The following APOA4 variants were observed in gnomAD, a reference collection of about 807,000 sequenced individuals.
APOA4 encodes apolipoprotein A-IV.
In APOA4, 25 loss-of-function variants were observed where a neutral mutation model predicts 33.6. The observed-to-expected ratio is 0.74, with a 90% confidence interval of 0.54 to 1.04. APOA4 has a LOEUF of 1.04. Ranked by LOEUF, APOA4 falls within the 50% of genes least tolerant of loss-of-function variation. The pLI is 0.00. For missense variants in APOA4, 549 were observed against 510.4 expected, an observed-to-expected ratio of 1.08 and a Z score of -0.73; for synonymous variants, 228 against 224.0, an observed-to-expected ratio of 1.02 and a Z score of -0.16.
At position 116,821,455 on chromosome 11, in the gene APOA4, A is replaced by T. The variant is rs1301876768; in HGVS notation, c.603T>A (p.Leu201=). The T allele has an allele frequency of 1.2e-6, 2 of 1,613,904 alleles. No individual in the cohort carries two copies. The highest frequency in any genetic ancestry group is 1.7e-6 in the Non-Finnish European group (2 of 1,179,982). ...CTTTGAATTCGTCAGCGTAGGGCGTAAGGCGTCCCTTGAGCTCCTCCACGT... is the reference window on the plus strand; with the variant it reads ...CTTTGAATTCGTCAGCGTAGGGCGTTAGGCGTCCCTTGAGCTCCTCCACGT... ...DQNVEELKGR[L]TPYADEFKVK... is the part of the protein sequence containing the mutation. Residue 201 remains leucine, a synonymous_variant, in exon 3 of 3, where the codon CTT becomes CTA. Coordinates refer to ENST00000357780, the MANE Select transcript of APOA4 (RefSeq NM_000482.4).
Position 116,820,858 on chromosome 11 carries a change from A to AGG in APOA4, c.*7_*8dup. 6.2e-7 allele frequency: 1 copy of AGG among 1,613,376 alleles called. No homozygotes were observed. The highest frequency in any genetic ancestry group is 8.5e-7 in the Non-Finnish European group (1 of 1,179,720). ...TCCACGAGGGTGGGGCCAGTGCACC[A>AGG]GGGGCAGCTCAGCTCTCCAAAGGGG... On this transcript the variant is annotated 3_prime_UTR_variant, in exon 3 of 3. Transcript: ENST00000357780.
chr11:116,821,947 T>G, intron 2 of APOA4, 66 bp from the exon 3 acceptor site: 9 of 1,597,442 alleles, frequency 5.6e-6, no homozygotes, highest in Non-Finnish European at 6.8e-6. Flanking sequence ...TTTGTCTGCT[T>G]GTATACCACT....
Position 116,820,832 on chromosome 11 carries a change from G to A in APOA4, c.*35C>T. The A allele has an allele frequency of 6.2e-7, 1 of 1,607,940 alleles. No individual in the cohort carries two copies. Among genetic ancestry groups the A allele is most frequent in the Non-Finnish European group, 8.5e-7 (1 of 1,176,942 alleles). ...AGACAGGTGGCAGGGCAGGGCAGGT[G>A]TCCACGAGGGTGGGGCCAGTGCACC... On this transcript the variant is annotated 3_prime_UTR_variant, in exon 3 of 3. Transcript: ENST00000357780.
intron 2 of APOA4, among the ~76,000 whole-genome samples, chr11:116,822,204 C>T (rs1941335617): frequency 6.6e-6 from 1 of 152,106 alleles, no homozygotes. Flanking sequence ...TGTTCTGGGC[C>T]ATAGGATCAC....
rs745655298 is a variant in APOA4 at position 116,820,896 on chromosome 11, CCTGCTCCTGCTG to C, written c.1150_1161del (p.Gln384_Gln387del). On this transcript the variant is annotated inframe_deletion, in exon 3 of 3. Coordinates refer to ENST00000357780, the MANE Select transcript of APOA4 (RefSeq NM_000482.4). ...CTCTCCAAAGGGGCCAGCATCTGCA[CCTGCTCCTGCTG>C]CTGCTCCTGCTGCTGTTCCTGCTGT... The C allele has an allele frequency of 1.9e-4, 306 of 1,613,294 alleles. 2 individuals carry two copies. The African/African-American group carries it at 2.3e-3, about 12-fold the overall frequency.
chr11:116,823,176 C>T lies in APOA4; in HGVS notation c.16G>A (p.Val6Met), dbSNP rs148312574. 4.8e-4 allele frequency: 768 copies of T among 1,614,114 alleles called. No homozygotes were observed. The highest frequency in any genetic ancestry group is 6.1e-4 in the Non-Finnish European group (723 of 1,180,022). The change falls in exon 1 of 3, where the codon GTG becomes ATG. Residue 6 changes from valine (V) to methionine (M), a missense_variant. By Grantham distance (21) the Val-to-Met change is conservative. Transcript: ENST00000357780. ...GCCACCAGGGCCAGGGTCAGGACCA[C>T]GGCCTTCAGGAACATCCTGAGCTGC... is the stretch of plus-strand genomic sequence containing the variant. MFLKAVVLTLALVAVA... is the reference protein window; with the variant it reads MFLKAMVLTLALVAVA...
chr11:116,823,061 C>G, intron 1 of APOA4, 82 bp downstream of exon 1: 1 of 1,558,698 alleles, frequency 6.4e-7, no homozygotes, highest in Admixed American at 1.7e-5. Flanking sequence ...TCAGAAGTGT[C>G]CTTTTGCTTT....
rs1341504834 is a variant in APOA4 at position 116,822,872 on chromosome 11, TG to T, written c.50-88del. The T allele has an allele frequency of 3.1e-6, 5 of 1,596,594 alleles. No individual in the cohort carries two copies. In the East Asian group the frequency reaches 6.7e-5, roughly 21 times the overall value. On this transcript the variant is annotated intron_variant, in intron 1 of 2. Transcript: ENST00000357780. The stretch of plus-strand genomic sequence containing the variant: ...CTCTGAGCTGCAGACTGGATGATGG[TG>T]GGGGTGCCTCAACCTGCCATTTTCC...
intron 2 of APOA4, 105 bp downstream of exon 2, chr11:116,822,554 G>C: frequency 6.4e-7 from 1 of 1,556,358 alleles, no homozygotes; most frequent in Non-Finnish European, 8.8e-7. Context: ...CAGGGCAGTG[G>C]GTATCCTAAG....
chr11:116,823,193 C>G lies in APOA4; in HGVS notation c.-2G>C. 5 of 1,614,138 alleles carry G rather than the reference C, an allele frequency of 3.1e-6. No individual in the cohort carries two copies. The highest frequency in any genetic ancestry group is 4.2e-6 in the Non-Finnish European group (5 of 1,180,036). Reference sequence around the variant, plus strand: ...CAGGACCACGGCCTTCAGGAACATCCTGAGCTGCTTGCTGGGCTGGAGGAG... The same window carrying G: ...CAGGACCACGGCCTTCAGGAACATCGTGAGCTGCTTGCTGGGCTGGAGGAG... On this transcript the variant is annotated 5_prime_UTR_variant, in exon 1 of 3. Coordinates refer to ENST00000357780, the MANE Select transcript of APOA4 (RefSeq NM_000482.4).
In APOA4 at chr11:116,821,411, A is replaced by G. The variant is rs1187386565; in HGVS notation, c.647T>C (p.Val216Ala). ...DEFKVKIDQT[V>A]EELRRSLAPY... Reference sequence around the variant, plus strand: ...AGCCAGGCTGCGGCGCAGCTCCTCCACGGTCTGGTCAATCTTGACTTTGAA... The same window carrying G: ...AGCCAGGCTGCGGCGCAGCTCCTCCGCGGTCTGGTCAATCTTGACTTTGAA... The change falls in exon 3 of 3, where the codon GTG (valine) becomes GCG (alanine). Residue 216 changes from valine (V) to alanine (A), a missense_variant. Physicochemically the swap from Val to Ala is moderately conservative, Grantham distance 64. Coordinates refer to ENST00000357780, the MANE Select transcript of APOA4 (RefSeq NM_000482.4). The G allele has an allele frequency of 6.2e-7, 1 of 1,614,128 alleles. No individual in the cohort carries two copies. Among genetic ancestry groups the G allele is most frequent in the Non-Finnish European group, 8.5e-7 (1 of 1,180,018 alleles).
rs748464903 is a variant in APOA4 at position 116,821,495 on chromosome 11, G to A, written c.563C>T (p.Ala188Val). Residue 188 changes from alanine (A) to valine (V), a missense_variant, in exon 3 of 3, where the codon GCC becomes GTC. Ala to Val is a moderately conservative substitution (Grantham distance 64). Transcript: ENST00000357780. ...CTCCTCCACGTTCTGGTCGATCTTG[G>A]CCTTGAGCTCGTCGGCGTGGGGCCT... ...SLRPHADELK[A>V]KIDQNVEELK... The A allele has an allele frequency of 1.9e-6, 3 of 1,614,006 alleles. No homozygotes were observed. The highest frequency in any genetic ancestry group is 3.3e-5 in the Admixed American group (2 of 60,030).
In APOA4 at chr11:116,821,294, C is replaced by T. The variant is rs544971770; in HGVS notation, c.764G>A (p.Arg255Lys). The T allele has an allele frequency of 1.9e-5, 30 of 1,613,836 alleles. 2 individuals are homozygous for T. In the South Asian group the frequency reaches 3.1e-4, roughly 17 times the overall value. Residue 255 changes from arginine (R) to lysine (K), a missense_variant, in exon 3 of 3, where the codon AGG (arginine) becomes AAG (lysine). By Grantham distance (26) the Arg-to-Lys change is conservative. Coordinates refer to ENST00000357780, the MANE Select transcript of APOA4 (RefSeq NM_000482.4). ...MKKNAEELKA[R>K]ISASAEELRQ... ...CAGCTCCTCGGCACTGGCCGAGATCCTGGCCTTGAGCTCCTCGGCGTTCTT... is the reference window on the plus strand; with the variant it reads ...CAGCTCCTCGGCACTGGCCGAGATCTTGGCCTTGAGCTCCTCGGCGTTCTT...
Position 116,820,902 on chromosome 11 carries a change from C to A in APOA4, c.1156G>T (p.Glu386Ter). The A allele has an allele frequency of 3.7e-6, 6 of 1,613,556 alleles. No individual in the cohort carries two copies. Among genetic ancestry groups the A allele is most frequent in the South Asian group, 2.2e-5 (2 of 91,080 alleles). The change falls in exon 3 of 3, where the codon GAG becomes TAG. Residue 386 changes from glutamate to a stop codon, truncating the protein, a stop_gained. Coordinates refer to ENST00000357780, the MANE Select transcript of APOA4 (RefSeq NM_000482.4). LOFTEE classifies it high-confidence loss of function. ...AAAGGGGCCAGCATCTGCACCTGCT[C>A]CTGCTGCTGCTCCTGCTGCTGTTCC... is the stretch of plus-strand genomic sequence containing the variant. The part of the protein sequence containing the change: ...QQEQQQEQQQ[E>*]QVQMLAPLES
At position 116,821,450 on chromosome 11, in the gene APOA4, G is replaced by A. The variant is rs770247001; in HGVS notation, c.608C>T (p.Pro203Leu). The change falls in exon 3 of 3, where the codon CCC becomes CTC. Residue 203 changes from proline to leucine, a missense_variant. Physicochemically the swap from Pro to Leu is moderately conservative, Grantham distance 98. Coordinates refer to ENST00000357780, the MANE Select transcript of APOA4 (RefSeq NM_000482.4). ...NVEELKGRLTPYADEFKVKID... is the reference protein window; with the variant it reads ...NVEELKGRLTLYADEFKVKID... ...CTTGACTTTGAATTCGTCAGCGTAG[G>A]GCGTAAGGCGTCCCTTGAGCTCCTC... 7 of 1,614,092 alleles carry A rather than the reference G, an allele frequency of 4.3e-6. No individual in the cohort carries two copies. Among genetic ancestry groups the A allele is most frequent in the Non-Finnish European group, 5.9e-6 (7 of 1,180,032 alleles).
intron 1 of APOA4, 36 bp downstream of exon 1, chr11:116,823,107 G>A (rs1941344127): frequency 1.9e-6 from 3 of 1,612,098 alleles, no homozygotes; most frequent in South Asian, 1.1e-5. Flanking sequence ...CAGAGCAGCA[G>A]CCCAGGAGTG....
Position 116,820,881 on chromosome 11 carries a change from G to T in APOA4, c.1177C>A (p.Pro393Thr). ...QQQEQVQMLAPLES is the reference protein window; with the variant it reads ...QQQEQVQMLATLES Reference sequence around the variant, plus strand: ...CCAGGGGCAGCTCAGCTCTCCAAAGGGGCCAGCATCTGCACCTGCTCCTGC... The same window carrying T: ...CCAGGGGCAGCTCAGCTCTCCAAAGTGGCCAGCATCTGCACCTGCTCCTGC... The change falls in exon 3 of 3, where the codon CCT becomes ACT. Residue 393 changes from proline to threonine, a missense_variant. Coordinates refer to ENST00000357780, the MANE Select transcript of APOA4 (RefSeq NM_000482.4). 1 of 1,614,084 alleles carries T rather than the reference G, an allele frequency of 6.2e-7. No homozygotes were observed.
chr11:116,820,765 T>C lies in APOA4; in HGVS notation c.*102A>G. ...GTGGTCTCACCTCCCACTGGACATG[T>C]GTCCTCAAGTTCATACCAGAACTTC... On this transcript the variant is annotated 3_prime_UTR_variant, in exon 3 of 3. Transcript: ENST00000357780. 1 of 1,532,966 alleles carries C rather than the reference T, an allele frequency of 6.5e-7. No individual in the cohort carries two copies. Among genetic ancestry groups the C allele is most frequent in the Non-Finnish European group, 8.7e-7 (1 of 1,143,600 alleles). 95.0% of individuals were successfully genotyped at this position (1,532,966 alleles called of 1,614,324 possible).
chr11:116,823,227 C>T lies in APOA4; in HGVS notation c.-36G>A. The T allele has an allele frequency of 6.2e-7, 1 of 1,613,430 alleles. No homozygotes were observed. Among genetic ancestry groups the T allele is most frequent in the Non-Finnish European group, 8.5e-7 (1 of 1,179,400 alleles). The stretch of plus-strand genomic sequence containing the variant: ...TTGCTGGGCTGGAGGAGTTTCTTGC[C>T]ACACTGGATCCTCCCTACAATCAGG... On this transcript the variant is annotated 5_prime_UTR_variant, in exon 1 of 3. Coordinates refer to ENST00000357780, the MANE Select transcript of APOA4 (RefSeq NM_000482.4).
Sources: allele counts gnomAD v4.1 joint callset (sites outside exome capture counted in the v4.1 genomes callset), GRCh38; gene constraint gnomAD v4.1.1; transcripts MANE v1.5; gene names NCBI Gene and HGNC (gene_info 2026-07-23, HGNC 2026-07-21).